MYBL2: variants seen among roughly 807,000 people sequenced by gnomAD.
MYBL2 encodes myb-related protein B.
In MYBL2, 28 loss-of-function variants were observed where a neutral mutation model predicts 79.9. The ratio of observed to expected loss-of-function variants is 0.35; its 90% CI spans 0.26 to 0.48. The LOEUF (loss-of-function observed/expected upper bound fraction) is 0.48, where lower values mean the gene tolerates loss of function less well. MYBL2 is among the 20% of genes least tolerant of loss of function. MYBL2 has a pLI of 0.99. For missense variants in MYBL2, 735 were observed against 893.9 expected, an observed-to-expected ratio of 0.82 and a Z score of 2.27; for synonymous variants, 378 against 361.2, an observed-to-expected ratio of 1.05 and a Z score of -0.53.
intron 7 of MYBL2, among the ~76,000 whole-genome samples, chr20:43,700,911 G>A (rs908239812): frequency 1.3e-5 from 2 of 152,132 alleles, no homozygotes; most frequent in Non-Finnish European, 2.9e-5. Flanking sequence ...CGCTTGTATT[G>A]AGCACCCACT....
At chr20:43,692,705 G>A (rs1253980232) in intron 6 of MYBL2, among the ~76,000 whole-genome samples, 3 of 152,136 alleles carry the variant, frequency 2.0e-5, no homozygotes, top group Non-Finnish European at 4.4e-5. Flanking sequence ...AGGCTGAAGC[G>A]GGCGGATTGC....
At chr20:43,707,853 C>T (rs1568877411) in intron 9 of MYBL2, among the ~76,000 whole-genome samples, 1 of 152,164 alleles carries the variant, frequency 6.6e-6, no homozygotes, top group Non-Finnish European at 1.5e-5. Flanking sequence ...TCCCTGTCTG[C>T]CCCTTCTCCT....
intron 4 of MYBL2, 46 bp from the exon 5 acceptor site, chr20:43,686,806 G>A (rs745964719): frequency 2.0e-5 from 31 of 1,585,746 alleles, no homozygotes; most frequent in Middle Eastern, 1.8e-4. Context: ...TGGTGGGGGC[G>A]AGAGAGGGGC....
chr20:43,705,409 C>G (rs1210564200), intron 9 of MYBL2, 51 bp downstream of exon 9: 1 of 1,545,352 alleles, frequency 6.5e-7, no homozygotes, highest in Non-Finnish European at 8.8e-7. Context: ...TCAGCAACAC[C>G]AGACCATGGG....
chr20:43,714,102 A>G (rs1987974391), intron 12 of MYBL2, among the ~76,000 whole-genome samples: 1 of 152,088 alleles, frequency 6.6e-6, no homozygotes, highest in African/African-American at 2.4e-5. Context: ...AAGAGCACAG[A>G]TTGAGTCAGG....
intron 8 of MYBL2, among the ~76,000 whole-genome samples, chr20:43,703,185 C>A (rs1363413731): frequency 6.6e-6 from 1 of 152,186 alleles, no homozygotes; most frequent in Non-Finnish European, 1.5e-5. Flanking sequence ...AGGAAGAGAA[C>A]TGTCGTGTTT....
intron 1 of MYBL2, among the ~76,000 whole-genome samples, chr20:43,667,651 C>T (rs1035445003): frequency 6.6e-6 from 1 of 152,114 alleles, no homozygotes; most frequent in Non-Finnish European, 1.5e-5. Flanking sequence ...GCAGGGCCTT[C>T]GCCGGCGAGG....
At chr20:43,712,663 G>A (rs1987934667) in intron 11 of MYBL2, among the ~76,000 whole-genome samples, 1 of 152,162 alleles carries the variant, frequency 6.6e-6, no homozygotes, top group Non-Finnish European at 1.5e-5. Context: ...TGTTACTGGG[G>A]TGATTCTCTG....
chr20:43,713,846 G>A (rs1340511358), intron 12 of MYBL2, among the ~76,000 whole-genome samples: 2 of 152,336 alleles, frequency 1.3e-5, no homozygotes, highest in Non-Finnish European at 2.9e-5. Flanking sequence ...GTCCCCAGAA[G>A]CCAGGGTGTG....
rs899928372 is a variant in MYBL2 at position 43,703,772 on chromosome 20, G to T, written c.1365+869G>T. ...GTCAGGATGGCTAGTGGCATTTTGA[G>T]AGAGACCCTGTGTCGGTTTGCTCCG... is the stretch of plus-strand genomic sequence containing the variant. On this transcript the variant is annotated intron_variant, in intron 8 of 13. Coordinates refer to ENST00000217026, the MANE Select transcript of MYBL2 (RefSeq NM_002466.4). Among the ~76,000 whole-genome samples the T allele has an allele frequency of 7.9e-5, 12 of 152,218 alleles. 1 individual carries two copies. In the South Asian group the frequency reaches 2.5e-3, roughly 32 times the overall value.
At chr20:43,706,167 AT>A (rs1270414372) in intron 9 of MYBL2, among the ~76,000 whole-genome samples, 1 of 152,198 alleles carries the variant, frequency 6.6e-6, no homozygotes, top group Admixed American at 6.5e-5. Flanking sequence ...GAGAGTCCAA[AT>A]TAGCCTGAAA....
intron 13 of MYBL2, among the ~76,000 whole-genome samples, chr20:43,715,710 G>C (rs2145738723): frequency 6.6e-6 from 1 of 152,300 alleles, no homozygotes; most frequent in South Asian, 2.1e-4. Context: ...TTCTCCTCGA[G>C]GCTGGTGCTG....
chr20:43,671,463 A>ATTTTTTT lies in MYBL2; in HGVS notation c.21-2325_21-2319dup, dbSNP rs376522569. Among the ~76,000 whole-genome samples, 49 of 70,868 alleles carry ATTTTTTT rather than the reference A, an allele frequency of 6.9e-4. 2 individuals are homozygous for ATTTTTTT. Among genetic ancestry groups the ATTTTTTT allele is most frequent in the African/African-American group, 1.9e-3 (32 of 16,624 alleles). The allele number at this position is 70,868 out of a possible 152,430, so 46.5% of individuals were successfully genotyped here. A position where few individuals can be genotyped will look rare whatever the true frequency, so the allele number is the denominator to read the frequency against. On this transcript the variant is annotated intron_variant, in intron 1 of 13. Transcript: ENST00000217026. ...GAGTCACCGCGCCCGGCTGATTTCC[A>ATTTTTTT]TTTTTTTTTTTTTTTTTTTTTTTTG...
chr20:43,682,632 T>C (rs1346949372), intron 3 of MYBL2, among the ~76,000 whole-genome samples, 162 bp from the exon 4 acceptor site: 1 of 152,178 alleles, frequency 6.6e-6, no homozygotes, highest in Non-Finnish European at 1.5e-5. Flanking sequence ...TGTTCCGGCA[T>C]GTGGGCTTGC....
chr20:43,700,234 A>T (rs1308103749), intron 7 of MYBL2, among the ~76,000 whole-genome samples, 190 bp downstream of exon 7: 2 of 151,988 alleles, frequency 1.3e-5, no homozygotes, highest in Non-Finnish European at 2.9e-5. Flanking sequence ...ATCCTTGGGG[A>T]GCTCCCGGTG....
intron 9 of MYBL2, among the ~76,000 whole-genome samples, chr20:43,707,763 T>A (rs1027452014): frequency 6.6e-6 from 1 of 151,862 alleles, no homozygotes. Context: ...ATTTCTCTAT[T>A]TTTTTCCCCC....
chr20:43,700,678 G>A (rs901026686), intron 7 of MYBL2, among the ~76,000 whole-genome samples: 15 of 152,090 alleles, frequency 9.9e-5, no homozygotes, highest in Non-Finnish European at 1.8e-4. Flanking sequence ...GTCCGTGTTC[G>A]CCTTTCCACC....
chr20:43,695,983 A>G (rs879244588), intron 6 of MYBL2, among the ~76,000 whole-genome samples: 6 of 151,946 alleles, frequency 3.9e-5, no homozygotes, highest in Non-Finnish European at 8.8e-5. Flanking sequence ...GCACTGCTGC[A>G]CTCCAGCCTT....
intron 5 of MYBL2, among the ~76,000 whole-genome samples, chr20:43,691,924 A>G (rs976511676): frequency 6.6e-6 from 1 of 151,624 alleles, no homozygotes; most frequent in African/African-American, 2.4e-5. Context: ...AATTTTTGCC[A>G]TAGCCTGAAT....
Sources: allele counts gnomAD v4.1 joint callset (sites outside exome capture counted in the v4.1 genomes callset), GRCh38; gene constraint gnomAD v4.1.1; transcripts MANE v1.5; gene names NCBI Gene and HGNC (gene_info 2026-07-23, HGNC 2026-07-21).